SYNE2: variants seen among roughly 807,000 people sequenced by gnomAD.
SYNE2 encodes the protein nesprin-2.
A neutral mutation model predicts 856.3 loss-of-function variants in SYNE2; 431 were observed. That is an observed-to-expected ratio of 0.50 (90% CI 0.47 to 0.55). The LOEUF is 0.55. SYNE2 is among the 20% of genes least tolerant of loss of function. The probability of loss-of-function intolerance (pLI) is 0.00; values close to 1 mark genes in which losing one functional copy is unlikely to be tolerated. For missense variants in SYNE2, 8,129 were observed against 8,023.2 expected, an observed-to-expected ratio of 1.01 and a Z score of -0.50; for synonymous variants, 2,923 against 2,872.3, an observed-to-expected ratio of 1.02 and a Z score of -0.56.
chr14:63,813,836 GA>G (rs1342508673), intron 1 of SYNE2, among the ~76,000 whole-genome samples: 1 of 152,204 alleles, frequency 6.6e-6, no homozygotes, highest in Non-Finnish European at 1.5e-5. Context: ...GGTGGATCAT[GA>G]GGTCAGGAGT....
intron 65 of SYNE2, among the ~76,000 whole-genome samples, chr14:64,111,789 C>T (rs2097810144): frequency 6.6e-6 from 1 of 151,720 alleles, no homozygotes; most frequent in Non-Finnish European, 1.5e-5. Context: ...CAGAGGGAAA[C>T]TCTTCCCAAG....
chr14:64,096,100 A>G (rs2097674712), intron 61 of SYNE2, among the ~76,000 whole-genome samples: 1 of 152,246 alleles, frequency 6.6e-6, no homozygotes, highest in African/African-American at 2.4e-5. Flanking sequence ...TTGATCCTGG[A>G]CTTCCCAGTC....
intron 78 of SYNE2, 49 bp from the exon 79 acceptor site, chr14:64,137,738 C>T (rs764227106): frequency 1.3e-5 from 20 of 1,594,708 alleles, no homozygotes; most frequent in Non-Finnish European, 1.7e-5. Flanking sequence ...AATAGCTTGG[C>T]AGACTTTATT....
At chr14:64,225,206 C>G in intron 115 of SYNE2, 113 bp from the exon 116 acceptor site, 1 of 1,575,384 alleles carries the variant, frequency 6.3e-7, no homozygotes, top group Non-Finnish European at 8.7e-7. Context: ...ACTGTTGGCC[C>G]TATTTAAATC....
Position 64,212,025 on chromosome 14 carries a change from A to AGATG in SYNE2, c.18791_18794dup (p.Leu6266GlyfsTer14). 1 of 1,614,214 alleles carries AGATG rather than the reference A, an allele frequency of 6.2e-7. No individual in the cohort carries two copies. The highest frequency in any genetic ancestry group is 8.5e-7 in the Non-Finnish European group (1 of 1,180,044). The stretch of plus-strand genomic sequence containing the variant: ...GAGAGCATTCTGGTGTGGCTCACAG[A>AGATG]GATGGACCTGCAGCTGACCAACGTG... On this transcript the variant is annotated frameshift_variant, in exon 104 of 116. Coordinates refer to ENST00000555002, the MANE Select transcript of SYNE2 (RefSeq NM_182914.3). LOFTEE classifies it high-confidence loss of function.
chr14:64,139,916 T>TTC (rs781183989), intron 79 of SYNE2, 25 bp from the exon 80 acceptor site: 6 of 1,613,728 alleles, frequency 3.7e-6, no homozygotes, highest in Non-Finnish European at 4.2e-6. Flanking sequence ...CTAATCTGCC[T>TTC]TCTCTCTCAC....
At chr14:63,825,454 GA>G (rs201662345) in intron 1 of SYNE2, among the ~76,000 whole-genome samples, 3 of 151,872 alleles carry the variant, frequency 2.0e-5, no homozygotes, top group Non-Finnish European at 4.4e-5. Flanking sequence ...TACTGTCAAT[GA>G]AAAAAATCAA....
At chr14:64,188,465 A>G (rs760299000) in intron 97 of SYNE2, 85 bp from the exon 98 acceptor site, 46 of 1,496,290 alleles carry the variant, frequency 3.1e-5, no homozygotes, top group African/African-American at 4.1e-5. Context: ...GATTAAAATG[A>G]ATGAAACTCA....
intron 96 of SYNE2, among the ~76,000 whole-genome samples, chr14:64,185,668 G>A (rs762370932): frequency 2.6e-5 from 4 of 151,606 alleles, no homozygotes; most frequent in South Asian, 4.2e-4. Flanking sequence ...TTACAGGCGC[G>A]CGCCACCGCA....
intron 2 of SYNE2, among the ~76,000 whole-genome samples, chr14:63,938,110 G>A (rs561473138): frequency 1.9e-4 from 29 of 152,252 alleles, no homozygotes; most frequent in Non-Finnish European, 3.5e-4. Context: ...GGAGGAATTC[G>A]AGAAACTGAG....
intron 65 of SYNE2, among the ~76,000 whole-genome samples, chr14:64,108,782 G>A (rs748911585): frequency 3.5e-5 from 5 of 141,958 alleles, no homozygotes; most frequent in Non-Finnish European, 7.8e-5. Context: ...TGTCTAGGAA[G>A]GTGGACAAAT....
chr14:63,835,566 CG>C (rs1889824203), intron 1 of SYNE2, among the ~76,000 whole-genome samples: 7 of 149,468 alleles, frequency 4.7e-5, no homozygotes, highest in African/African-American at 1.7e-4. Context: ...TAGATATTTG[CG>C]TGTGTGTGTG....
At chr14:63,803,060 A>C (rs969231741) in intron 1 of SYNE2, among the ~76,000 whole-genome samples, 45 of 152,120 alleles carry the variant, frequency 3.0e-4, no homozygotes, top group Non-Finnish European at 4.4e-5. Context: ...TTATTCTCTT[A>C]TCTGGCCCCA....
At chr14:63,951,010 C>CTT (rs34081498) in intron 7 of SYNE2, among the ~76,000 whole-genome samples, 1 of 144,774 alleles carries the variant, frequency 6.9e-6, no homozygotes, top group Non-Finnish European at 1.5e-5. Context: ...GTGCTCATAT[C>CTT]TTTTTTTTTT....
chr14:64,093,558 G>T lies in SYNE2; in HGVS notation c.12108+78G>T, dbSNP rs1406344554. 4.5e-6 allele frequency: 7 copies of T among 1,547,700 alleles called. No homozygotes were observed. The Admixed American group carries it at 1.0e-4, about 22-fold the overall frequency. On this transcript the variant is annotated intron_variant, in intron 61 of 115. Transcript: ENST00000555002. ...ATTTAATACTTACTAAGCCTTTGGT[G>T]TCTAGGAGCCTTTCTAGTGGTGCAG...
At chr14:63,790,327 C>A (rs186114705) in intron 1 of SYNE2, among the ~76,000 whole-genome samples, 2 of 149,982 alleles carry the variant, frequency 1.3e-5, no homozygotes, top group South Asian at 2.1e-4. Flanking sequence ...CAGAGCAAGA[C>A]CCTGTCTCAA....
intron 2 of SYNE2, among the ~76,000 whole-genome samples, chr14:63,925,303 C>T (rs1030679685): frequency 2.0e-5 from 3 of 152,174 alleles, no homozygotes; most frequent in South Asian, 2.1e-4. Flanking sequence ...GCCTGGGTGA[C>T]GAGTGAGACC....
At position 64,051,589 on chromosome 14, in the gene SYNE2, A is replaced by T; in HGVS notation, c.7676A>T (p.Lys2559Ile). Residue 2559 changes from lysine (K) to isoleucine (I), a missense_variant, in exon 48 of 116, where the codon AAA becomes ATA. Physicochemically the swap from Lys to Ile is moderately radical, Grantham distance 102 (BLOSUM62 -3). Coordinates refer to ENST00000555002, the MANE Select transcript of SYNE2 (RefSeq NM_182914.3). ...CTGGACAGTGTAACGTATCTGGACA[A>T]AATTAAAAAATTCATAGCATCCATA... ...GPLDSVTYLD[K>I]IKKFIASIEK... 6.2e-7 allele frequency: 1 copy of T among 1,613,620 alleles called. No homozygotes were observed. The highest frequency in any genetic ancestry group is 8.5e-7 in the Non-Finnish European group (1 of 1,179,876).
chr14:64,119,283 T>C (rs1463238222), intron 66 of SYNE2, 144 bp from the exon 67 acceptor site: 1 of 989,132 alleles, frequency 1.0e-6, no homozygotes, highest in African/African-American at 1.6e-5. Context: ...GTGGAAGTTT[T>C]TGTTTTTCCA....
Sources: gnomAD v4.1 joint callset for allele counts (sites outside exome capture counted in the v4.1 genomes callset) on GRCh38, gnomAD v4.1.1 for gene constraint, MANE v1.5 for transcripts, NCBI Gene and HGNC (gene_info 2026-07-23, HGNC 2026-07-21) for gene names.